Variants in KCNK18 observed in about 807,000 individuals in gnomAD.
The protein encoded by KCNK18 is potassium channel subfamily K member 18.
A neutral mutation model predicts 11.8 loss-of-function variants in KCNK18; 8 were observed. The observed-to-expected ratio is 0.68, with a 90% CI of 0.40 to 1.22. The LOEUF (loss-of-function observed/expected upper bound fraction) is 1.22, where lower values mean the gene tolerates loss of function less well. Among genes scored for constraint, KCNK18 ranks in the 50% most tolerant of loss-of-function variants. The pLI is 0.01. For synonymous variants in KCNK18, 208 were observed against 185.8 expected (o/e 1.12, Z -0.97); for missense variants, 442 against 465.4 (o/e 0.95, Z 0.46).
At chr10:117,205,847 C>T (rs1035512655) in intron 2 of KCNK18, among the ~76,000 whole-genome samples, 5 of 152,082 alleles carry the variant, frequency 3.3e-5, no homozygotes, top group Admixed American at 1.3e-4. Flanking sequence ...GTCAGGGGTT[C>T]GAGGCCAGCC....
chr10:117,201,585 A>C (rs376184867), intron 2 of KCNK18, among the ~76,000 whole-genome samples: 2 of 152,244 alleles, frequency 1.3e-5, no homozygotes, highest in African/African-American at 2.4e-5. Flanking sequence ...AGTTTCAAAA[A>C]GTCGCACAGT....
At chr10:117,206,196 CAA>C (rs1230267975) in intron 2 of KCNK18, among the ~76,000 whole-genome samples, 8 of 152,040 alleles carry the variant, frequency 5.3e-5, no homozygotes, top group Non-Finnish European at 1.2e-4. Context: ...TTACTGATTT[CAA>C]AAATGAAGGT....
rs748348700 is a variant in KCNK18, at chr10:117,209,461, C to T, written c.353-36C>T. On this transcript the variant is annotated intron_variant, in intron 2 of 2. Coordinates refer to ENST00000334549, the MANE Select transcript of KCNK18 (RefSeq NM_181840.1). The stretch of plus-strand genomic sequence containing the variant: ...CTTTTGGGGGGAAAAAGGGAAGGGG[C>T]CAGATGCAAACTCTAAGCTCCATCT... The T allele has an allele frequency of 5.2e-5, 80 of 1,550,404 alleles. 1 individual carries two copies. In the East Asian group the frequency reaches 1.6e-3, roughly 32 times the overall value.
At chr10:117,199,994 T>A (rs1414182443) in intron 1 of KCNK18, among the ~76,000 whole-genome samples, 1 of 152,212 alleles carries the variant, frequency 6.6e-6, no homozygotes, top group Non-Finnish European at 1.5e-5. Context: ...GAAGTCAAGT[T>A]TTCCCAGCTC....
At chr10:117,201,403 C>T in intron 2 of KCNK18, 116 bp downstream of exon 2, 1 of 1,090,936 alleles carries the variant, frequency 9.2e-7, no homozygotes, top group South Asian at 1.3e-5. Context: ...CTCTTCTTCC[C>T]TCCCTTCCTC....
intron 2 of KCNK18, among the ~76,000 whole-genome samples, chr10:117,204,304 T>G (rs1855051324): frequency 6.7e-6 from 1 of 148,576 alleles, no homozygotes; most frequent in African/African-American, 2.5e-5. Flanking sequence ...GAAAAAAACC[T>G]CAGATGCATC....
At chr10:117,204,380 G>C (rs1247089614) in intron 2 of KCNK18, among the ~76,000 whole-genome samples, 1 of 152,044 alleles carries the variant, frequency 6.6e-6, no homozygotes, top group South Asian at 2.1e-4. Flanking sequence ...TGCAGAGGAG[G>C]CTCCTGTGCA....
In KCNK18 at chr10:117,209,727, G is replaced by T. The variant is rs777473803; in HGVS notation, c.583G>T (p.Ala195Ser). 2 of 1,613,918 alleles carry T rather than the reference G, an allele frequency of 1.2e-6. No individual in the cohort carries two copies. The highest frequency in any genetic ancestry group is 2.2e-5 in the South Asian group (2 of 91,060). ...CAAGAAAAAACCGGACCCCAAGCCC[G>T]CAGATGAAGCTGTCCCTCAGATCAT... ...LFKKKPDPKPADEAVPQIIIS... is the reference protein window; with the variant it reads ...LFKKKPDPKPSDEAVPQIIIS... The change falls in exon 3 of 3, where the codon GCA (alanine) becomes TCA (serine). Residue 195 changes from alanine (A) to serine (S), a missense_variant. Coordinates refer to ENST00000334549, the MANE Select transcript of KCNK18 (RefSeq NM_181840.1).
At chr10:117,208,362 G>T (rs1036510289) in intron 2 of KCNK18, among the ~76,000 whole-genome samples, 4 of 152,134 alleles carry the variant, frequency 2.6e-5, no homozygotes, top group East Asian at 3.8e-4. Context: ...TATTAATCGC[G>T]CACTGTGTGT....
At chr10:117,207,949 G>T (rs363313) in intron 2 of KCNK18, among the ~76,000 whole-genome samples, 2 of 152,048 alleles carry the variant, frequency 1.3e-5, no homozygotes, top group African/African-American at 4.8e-5. Flanking sequence ...ATGCTTGCCC[G>T]CTCCAGAAGA....
intron 2 of KCNK18, among the ~76,000 whole-genome samples, chr10:117,208,380 G>A (rs59074773): frequency 0.043 from 6,493 of 152,192 alleles, 433 homozygotes; most frequent in African/African-American, 0.14. Flanking sequence ...TGTCAAGCAC[G>A]GGCCTCATGT....
chr10:117,209,148 G>T (rs1365248763), intron 2 of KCNK18, among the ~76,000 whole-genome samples: 1 of 152,172 alleles, frequency 6.6e-6, no homozygotes, highest in Admixed American at 6.5e-5. Context: ...TGTCCTTCCA[G>T]GTCAGCTGAG....
At chr10:117,202,467 G>C (rs771004583) in intron 2 of KCNK18, among the ~76,000 whole-genome samples, 7 of 152,218 alleles carry the variant, frequency 4.6e-5, no homozygotes, top group Non-Finnish European at 1.0e-4. Flanking sequence ...GTCATGCCCA[G>C]TGCCCATTCG....
At chr10:117,203,417 C>G (rs1046036130) in intron 2 of KCNK18, among the ~76,000 whole-genome samples, 1 of 152,176 alleles carries the variant, frequency 6.6e-6, no homozygotes, top group Non-Finnish European at 1.5e-5. Context: ...CAAAGCTGGA[C>G]TTTCCAGGGG....
intron 2 of KCNK18, among the ~76,000 whole-genome samples, chr10:117,206,618 C>T (rs1626938): frequency 0.62 from 93,686 of 152,028 alleles, 29,464 homozygotes; most frequent in Middle Eastern, 0.76. Context: ...GCCCACCTCC[C>T]GGCCTCCCCT....
In KCNK18 at chr10:117,197,661, T is replaced by C. The variant is rs3909165; in HGVS notation, c.173T>C (p.Phe58Ser). The C allele has an allele frequency of 6.2e-7, 1 of 1,613,954 alleles. No individual in the cohort carries two copies. Among genetic ancestry groups the C allele is most frequent in the African/African-American group, 1.3e-5 (1 of 74,884 alleles). The change falls in exon 1 of 3, where the codon TTT (phenylalanine) becomes TCT (serine). Residue 58 changes from phenylalanine (F) to serine (S), a missense_variant. Physicochemically the swap from Phe to Ser is radical, Grantham distance 155 (BLOSUM62 -2). Coordinates refer to ENST00000334549, the MANE Select transcript of KCNK18 (RefSeq NM_181840.1). ...CTGGTGGCAGCAGATGATGGAGAGTTTGAGAAGTTCTTGGAGGAGCTCTGC... is the reference window on the plus strand; with the variant it reads ...CTGGTGGCAGCAGATGATGGAGAGTCTGAGAAGTTCTTGGAGGAGCTCTGC... ...QVLVAADDGEFEKFLEELCRI... is the reference protein window; with the variant it reads ...QVLVAADDGESEKFLEELCRI...
Position 117,197,630 on chromosome 10 carries a change from C to G in KCNK18, c.142C>G (p.Gln48Glu), listed in dbSNP as rs1259063342. 2.5e-6 allele frequency: 4 copies of G among 1,614,056 alleles called. No homozygotes were observed. The African/African-American group carries it at 5.3e-5, about 22-fold the overall frequency. Residue 48 changes from glutamine (Q) to glutamate (E), a missense_variant, in exon 1 of 3, where the codon CAG (glutamine) becomes GAG (glutamate). Coordinates refer to ENST00000334549, the MANE Select transcript of KCNK18 (RefSeq NM_181840.1). ...AVVFSAIEDGQVLVAADDGEF... is the reference protein window; with the variant it reads ...AVVFSAIEDGEVLVAADDGEF... ...GGTCTTCTCTGCCATTGAGGACGGC[C>G]AGGTCCTGGTGGCAGCAGATGATGG...
intron 1 of KCNK18, among the ~76,000 whole-genome samples, chr10:117,200,613 C>G (rs548196253): frequency 6.6e-6 from 1 of 152,188 alleles, no homozygotes; most frequent in South Asian, 2.1e-4. Context: ...TGAGACCATC[C>G]TGGCCAATGA....
chr10:117,204,414 C>G (rs1787138840), intron 2 of KCNK18, among the ~76,000 whole-genome samples: 1 of 152,170 alleles, frequency 6.6e-6, no homozygotes, highest in South Asian at 2.1e-4. Flanking sequence ...AGCAGCATCT[C>G]TGGCCTCCAC....
Sources: gnomAD v4.1 joint callset for allele counts (sites outside exome capture counted in the v4.1 genomes callset) on GRCh38, gnomAD v4.1.1 for gene constraint, MANE v1.5 for transcripts, NCBI Gene and HGNC (gene_info 2026-07-23, HGNC 2026-07-21) for gene names.